The following POLH variants were observed in gnomAD, a reference collection of about 807,000 sequenced individuals.
POLH encodes the protein DNA polymerase eta transcript.
POLH carries 53 observed loss-of-function variants against 73.6 expected under a neutral mutation model. That is an observed-to-expected ratio of 0.72 (90% confidence interval 0.58 to 0.91). The LOEUF is 0.91. Ranked by LOEUF, POLH falls within the 40% of genes least tolerant of loss-of-function variation. The pLI is 0.00. For missense variants in POLH, 768 were observed against 865.4 expected, an observed-to-expected ratio of 0.89 and a Z score of 1.41; for synonymous variants, 292 against 308.5, an observed-to-expected ratio of 0.95 and a Z score of 0.56.
rs368152403 is a variant in POLH at position 43,597,767 on chromosome 6, C to T, written c.562C>T (p.Leu188=). Residue 188 remains leucine, a synonymous_variant, in exon 5 of 11, where the codon CTG becomes TTG. Transcript: ENST00000372236. The stretch of plus-strand genomic sequence containing the variant: ...GATTGATAACCTCACCTCTCCAGAC[C>T]TGCAGCTCACCGTGGGAGCAGTGAT... ...LQIDNLTSPD[L]QLTVGAVIVE... 20 of 1,613,780 alleles carry T rather than the reference C, an allele frequency of 1.2e-5. No homozygotes were observed. The East Asian group carries it at 2.0e-4, about 16-fold the overall frequency.
Position 43,618,966 on chromosome 6 carries a change from G to C in POLH, c.*4409G>C, listed in dbSNP as rs1025268680. On this transcript the variant is annotated 3_prime_UTR_variant, in exon 11 of 11. Transcript: ENST00000372236. ...TTTTTATTTTATTTATAAATTGGGG[G>C]GGGGGTTCTATATTTAGTTTGAAGA... 6.6e-6 allele frequency among the ~76,000 whole-genome samples: 1 copy of C among 150,790 alleles called. No homozygotes were observed. The highest frequency in any genetic ancestry group is 2.4e-5 in the African/African-American group (1 of 40,880).
At position 43,617,166 on chromosome 6, in the gene POLH, C is replaced by T. The variant is rs1470872085; in HGVS notation, c.*2609C>T. On this transcript the variant is annotated 3_prime_UTR_variant, in exon 11 of 11. Coordinates refer to ENST00000372236, the MANE Select transcript of POLH (RefSeq NM_006502.3). ...GATTTCCACTGCATTCCAGCCTGGG[C>T]GATAGAGTAACTCTGTCTCAAAAAA... 3.3e-5 allele frequency among the ~76,000 whole-genome samples: 5 copies of T among 151,712 alleles called. No homozygotes were observed. Among genetic ancestry groups the T allele is most frequent in the Admixed American group, 1.3e-4 (2 of 15,214 alleles).
At position 43,616,234 on chromosome 6, in the gene POLH, C is replaced by T. The variant is rs1454009251; in HGVS notation, c.*1677C>T. Among the ~76,000 whole-genome samples the T allele has an allele frequency of 6.8e-6, 1 of 147,850 alleles. No homozygotes were observed. Among genetic ancestry groups the T allele is most frequent in the Non-Finnish European group, 1.5e-5 (1 of 67,224 alleles). ...GGCGGAGCTTGCAGTGAGCCGAGAGCGCGCCACTGCACTCCAGCCTGGGTG... is the reference window on the plus strand; with the variant it reads ...GGCGGAGCTTGCAGTGAGCCGAGAGTGCGCCACTGCACTCCAGCCTGGGTG... On this transcript the variant is annotated 3_prime_UTR_variant, in exon 11 of 11. Transcript: ENST00000372236.
chr6:43,597,382 T>C (rs932066792), intron 4 of POLH, among the ~76,000 whole-genome samples: 1 of 152,236 alleles, frequency 6.6e-6, no homozygotes, highest in Non-Finnish European at 1.5e-5. Context: ...CCCAAAATGC[T>C]GGGATTACAG....
intron 1 of POLH, among the ~76,000 whole-genome samples, chr6:43,581,545 C>A (rs1408455980): frequency 1.3e-5 from 2 of 150,632 alleles, no homozygotes; most frequent in East Asian, 3.9e-4. Context: ...AGGCAGGCGG[C>A]TGCTCCTTGC....
In POLH at chr6:43,617,502, G is replaced by A. The variant is rs574322323; in HGVS notation, c.*2945G>A. On this transcript the variant is annotated 3_prime_UTR_variant, in exon 11 of 11. Coordinates refer to ENST00000372236, the MANE Select transcript of POLH (RefSeq NM_006502.3). ...ATTAGGTGTGTGTGGTGACGCATGC[G>A]TGTAATCCCAGCTACTTAGGAGGCT... is the stretch of plus-strand genomic sequence containing the variant. 2.6e-5 allele frequency among the ~76,000 whole-genome samples: 4 copies of A among 152,010 alleles called. No individual in the cohort carries two copies. Among genetic ancestry groups the A allele is most frequent in the African/African-American group, 7.2e-5 (3 of 41,434 alleles).
Position 43,615,250 on chromosome 6 carries a change from C to T in POLH, c.*693C>T, listed in dbSNP as rs9333558. On this transcript the variant is annotated 3_prime_UTR_variant, in exon 11 of 11. Transcript: ENST00000372236. The stretch of plus-strand genomic sequence containing the variant: ...GTGCGCTCCAGCCTGGGCAACAGAG[C>T]GAGACTTCATCTCAGAAAATAAAAA... 2,808 of 152,164 alleles carry T rather than the reference C, an allele frequency of 0.018. 33 individuals are homozygous for T. Among genetic ancestry groups the T allele is most frequent in the South Asian group, 0.042 (202 of 4,814 alleles). The allele number at this position is 152,164 out of a possible 1,614,324, so 9.4% of individuals were successfully genotyped here.
intron 4 of POLH, among the ~76,000 whole-genome samples, chr6:43,597,109 AT>A (rs925820195): frequency 7.3e-5 from 11 of 151,530 alleles, no homozygotes; most frequent in Admixed American, 1.3e-4. Context: ...TGTTTACATT[AT>A]TTTTTTTTAT....
chr6:43,591,997 C>CT (rs1421060370), intron 4 of POLH, among the ~76,000 whole-genome samples: 3 of 152,020 alleles, frequency 2.0e-5, no homozygotes, highest in African/African-American at 7.3e-5. Flanking sequence ...TACCTATGTA[C>CT]ATTTTTTTAT....
chr6:43,597,551 A>G, intron 4 of POLH, 145 bp from the exon 5 acceptor site: 1 of 704,604 alleles, frequency 1.4e-6, no homozygotes, highest in Non-Finnish European at 2.4e-6. Context: ...GAGCTCTCTT[A>G]TAATTGGTCT....
At chr6:43,603,787 C>A in intron 6 of POLH, 105 bp from the exon 7 acceptor site, 2 of 1,109,612 alleles carry the variant, frequency 1.8e-6, no homozygotes, top group South Asian at 1.2e-5. Context: ...TCTCATTTGT[C>A]CTGAACCTTT....
At position 43,601,211 on chromosome 6, in the gene POLH, A is replaced by C. The variant is rs1033511001; in HGVS notation, c.764+120A>C. 6.7e-6 allele frequency: 5 copies of C among 746,304 alleles called. No individual in the cohort carries two copies. The African/African-American group carries it at 8.6e-5, about 13-fold the overall frequency. The allele number at this position is 746,304 out of a possible 1,614,324, so 46.2% of individuals were successfully genotyped here. A position where few individuals can be genotyped will look rare whatever the true frequency, so the allele number is the denominator to read the frequency against. On this transcript the variant is annotated intron_variant, in intron 6 of 10. Transcript: ENST00000372236. ...CAGGGGAAATACATACCAGGCAGTT[A>C]GAAGGAAAACAACACAGAACATTTT...
chr6:43,604,483 A>G (rs1767059638), intron 7 of POLH, 132 bp from the exon 8 acceptor site: 2 of 923,528 alleles, frequency 2.2e-6, no homozygotes, highest in African/African-American at 1.6e-5. Context: ...GAGGTCCGGT[A>G]CACTAAATTT....
At chr6:43,600,085 G>A (rs9472088) in intron 5 of POLH, among the ~76,000 whole-genome samples, 4 of 151,738 alleles carry the variant, frequency 2.6e-5, no homozygotes, top group African/African-American at 9.7e-5. Context: ...TTGAACCCAG[G>A]AGGTGGAGGT....
At chr6:43,586,965 G>C (rs1027967451) in intron 3 of POLH, among the ~76,000 whole-genome samples, 2 of 152,032 alleles carry the variant, frequency 1.3e-5, no homozygotes, top group African/African-American at 4.8e-5. Context: ...CAAATTTGAG[G>C]CATTTCTTTA....
At position 43,620,520 on chromosome 6, in the gene POLH, A is replaced by G. The variant is rs1004487498; in HGVS notation, c.*5963A>G. On this transcript the variant is annotated 3_prime_UTR_variant, in exon 11 of 11. Transcript: ENST00000372236. ...TCAATAAAACATTTTTATTCTGTAC[A>G]ATATATATGTGTATTTAAATATATA... 1 of 236,518 alleles carries G rather than the reference A, an allele frequency of 4.2e-6. No homozygotes were observed. Among genetic ancestry groups the G allele is most frequent in the Non-Finnish European group, 8.4e-6 (1 of 118,594 alleles). 14.7% of individuals were successfully genotyped at this position (236,518 alleles called of 1,614,324 possible).
At position 43,576,199 on chromosome 6, in the gene POLH, A is replaced by T. The variant is rs904316704; in HGVS notation, c.-246A>T. The T allele has an allele frequency of 9.0e-6, 2 of 222,632 alleles. No individual in the cohort carries two copies. Among genetic ancestry groups the T allele is most frequent in the Non-Finnish European group, 1.7e-5 (2 of 114,374 alleles). The allele number at this position is 222,632 out of a possible 1,614,324, so 13.8% of individuals were successfully genotyped here. A position where few individuals can be genotyped will look rare whatever the true frequency, so the allele number is the denominator to read the frequency against. ...TGTCAGACCTCAGTCTGGCGGCTGC[A>T]TTGCTGGGCGCGCCGCTCTCGTCTG... On this transcript the variant is annotated 5_prime_UTR_variant, in exon 1 of 11. Transcript: ENST00000372236.
chr6:43,605,866 T>C (rs1389767698), intron 9 of POLH, among the ~76,000 whole-genome samples: 1 of 152,052 alleles, frequency 6.6e-6, no homozygotes, highest in East Asian at 1.9e-4. Context: ...TACAGGCACA[T>C]ACCACCACAC....
rs1393783514 is a variant in POLH, at chr6:43,616,612, CTT to C, written c.*2056_*2057del. Among the ~76,000 whole-genome samples, 2 of 150,022 alleles carry C rather than the reference CTT, an allele frequency of 1.3e-5. No homozygotes were observed. The highest frequency in any genetic ancestry group is 3.9e-4 in the East Asian group (2 of 5,128). Reference sequence around the variant, plus strand: ...AAAAAAAAAAAAAACAAAAGAAAAACTTCTCTCTAGCTCTGTGACGGGCAGTT... The same window carrying C: ...AAAAAAAAAAAAAACAAAAGAAAAACCTCTCTAGCTCTGTGACGGGCAGTT... On this transcript the variant is annotated 3_prime_UTR_variant, in exon 11 of 11. Coordinates refer to ENST00000372236, the MANE Select transcript of POLH (RefSeq NM_006502.3).
Sources: allele counts gnomAD v4.1 joint callset (sites outside exome capture counted in the v4.1 genomes callset), GRCh38; gene constraint gnomAD v4.1.1; transcripts MANE v1.5; gene names NCBI Gene and HGNC (gene_info 2026-07-23, HGNC 2026-07-21).